The following CGNL1 variants were observed in gnomAD, a reference collection of about 807,000 sequenced individuals.
CGNL1 encodes the protein cingulin like 1.
In CGNL1, 132 loss-of-function variants were observed where a neutral mutation model predicts 141.2. That is an observed-to-expected ratio of 0.93 (90% CI 0.81 to 1.08). CGNL1 has a LOEUF of 1.08. CGNL1 is among the 50% of genes least tolerant of loss of function. The pLI is 0.00. For synonymous variants in CGNL1, 690 were observed against 622.1 expected (o/e 1.11, Z -1.63); for missense variants, 1,870 against 1,588.6 (o/e 1.18, Z -3.01).
chr15:57,411,507 A>T (rs2062787126), intron 1 of CGNL1, among the ~76,000 whole-genome samples: 1 of 149,552 alleles, frequency 6.7e-6, no homozygotes, highest in Non-Finnish European at 1.5e-5. Context: ...GCAATGGCGC[A>T]ATCTCAGCTC....
chr15:57,460,522 A>G (rs61998128), intron 7 of CGNL1, among the ~76,000 whole-genome samples: 1 of 152,180 alleles, frequency 6.6e-6, no homozygotes, highest in African/African-American at 2.4e-5. Flanking sequence ...GGTAATTTAT[A>G]AACAAAGGAG....
intron 8 of CGNL1, among the ~76,000 whole-genome samples, chr15:57,496,036 A>T (rs1014763620): frequency 6.6e-5 from 10 of 152,132 alleles, no homozygotes; most frequent in Non-Finnish European, 1.5e-4. Flanking sequence ...AGCCTCATGA[A>T]CTCCAAGATA....
intron 1 of CGNL1, among the ~76,000 whole-genome samples, chr15:57,400,615 G>A (rs1055578304): frequency 6.6e-6 from 1 of 152,170 alleles, no homozygotes; most frequent in Non-Finnish European, 1.5e-5. Context: ...GGGCATGGTG[G>A]CTCATGCCTG....
At chr15:57,446,586 T>C (rs1731602353) in intron 4 of CGNL1, among the ~76,000 whole-genome samples, 1 of 152,128 alleles carries the variant, frequency 6.6e-6, no homozygotes, top group Non-Finnish European at 1.5e-5. Context: ...TTTTCTGTTG[T>C]AATCAGTCAA....
intron 4 of CGNL1, among the ~76,000 whole-genome samples, chr15:57,450,877 A>T (rs544512315): frequency 1.3e-5 from 2 of 152,382 alleles, no homozygotes; most frequent in African/African-American, 2.4e-5. Context: ...GATTAAATTT[A>T]TGAGATACAT....
intron 8 of CGNL1, among the ~76,000 whole-genome samples, chr15:57,500,543 G>A (rs148034611): frequency 3.4e-4 from 52 of 152,272 alleles, no homozygotes; most frequent in African/African-American, 3.4e-4. Context: ...CAGCCATCTC[G>A]GGGAACTGAA....
intron 8 of CGNL1, among the ~76,000 whole-genome samples, chr15:57,505,712 C>T (rs146981980): frequency 6.4e-4 from 97 of 152,220 alleles, no homozygotes; most frequent in Non-Finnish European, 1.1e-3. Context: ...TGCTTAGCAT[C>T]GCTCCTGTGG....
chr15:57,428,790 C>T (rs1484153741), intron 1 of CGNL1, among the ~76,000 whole-genome samples: 2 of 152,172 alleles, frequency 1.3e-5, no homozygotes, highest in Non-Finnish European at 1.5e-5. Context: ...TTTTGGAGGC[C>T]GAGGTGGGTG....
intron 8 of CGNL1, among the ~76,000 whole-genome samples, chr15:57,464,450 C>A (rs1405186557): frequency 6.6e-6 from 1 of 152,082 alleles, no homozygotes; most frequent in Non-Finnish European, 1.5e-5. Context: ...GTGCTCTTAG[C>A]CTCTTGAGCT....
intron 14 of CGNL1, 40 bp from the exon 15 acceptor site, chr15:57,543,656 A>G: frequency 6.6e-7 from 1 of 1,522,730 alleles, no homozygotes; most frequent in Non-Finnish European, 9.1e-7. Context: ...ATACAGGAAC[A>G]GTCCTTCTAA....
At chr15:57,539,404 G>T (rs2032441578) in intron 14 of CGNL1, among the ~76,000 whole-genome samples, 1 of 152,028 alleles carries the variant, frequency 6.6e-6, no homozygotes, top group South Asian at 2.1e-4. Context: ...CTGCTCTCCT[G>T]TGACACTCCC....
chr15:57,421,767 C>T (rs1322243124), intron 1 of CGNL1, among the ~76,000 whole-genome samples: 4 of 151,948 alleles, frequency 2.6e-5, no homozygotes, highest in South Asian at 2.1e-4. Context: ...AGCTGTCAGG[C>T]GTCGTGTGCT....
chr15:57,461,382 G>A (rs1388878095), intron 7 of CGNL1, among the ~76,000 whole-genome samples: 1 of 152,118 alleles, frequency 6.6e-6, no homozygotes, highest in Non-Finnish European at 1.5e-5. Context: ...GAAATGAGAT[G>A]GAAGATACAG....
At chr15:57,479,643 G>A (rs1248865841) in intron 8 of CGNL1, among the ~76,000 whole-genome samples, 1 of 152,196 alleles carries the variant, frequency 6.6e-6, no homozygotes, top group African/African-American at 2.4e-5. Context: ...CAGCCTGGGT[G>A]ATGGAATGAG....
chr15:57,547,656 G>T lies in CGNL1; in HGVS notation c.*166G>T. The T allele has an allele frequency of 1.3e-6, 1 of 746,338 alleles. No homozygotes were observed. The highest frequency in any genetic ancestry group is 2.0e-5 in the South Asian group (1 of 50,528). The allele number at this position is 746,338 out of a possible 1,614,324, so 46.2% of individuals were successfully genotyped here. ...ACATTCCTCGCCAGGGTCTCTCAGT[G>T]GGTCTTCGACAGAGAGCTTTTGCAG... On this transcript the variant is annotated 3_prime_UTR_variant, in exon 19 of 19. Transcript: ENST00000281282.
intron 1 of CGNL1, among the ~76,000 whole-genome samples, chr15:57,380,645 A>G (rs528263905): frequency 6.6e-6 from 1 of 151,970 alleles, no homozygotes; most frequent in East Asian, 1.9e-4. Context: ...GAAATGTCCG[A>G]CTCCAGGAGC....
At chr15:57,442,753 G>C (rs113021374) in intron 4 of CGNL1, among the ~76,000 whole-genome samples, 21 of 152,160 alleles carry the variant, frequency 1.4e-4, no homozygotes, top group African/African-American at 5.1e-4. Flanking sequence ...CAAGCAGCTG[G>C]AACTACAGGC....
At chr15:57,514,905 G>T (rs151286943) in intron 8 of CGNL1, among the ~76,000 whole-genome samples, 30 of 152,176 alleles carry the variant, frequency 2.0e-4, no homozygotes, top group South Asian at 1.0e-3. Flanking sequence ...AAAAGCAGTT[G>T]GCTATACATG....
chr15:57,523,452 G>A (rs755345257), intron 10 of CGNL1, 37 bp from the exon 11 acceptor site: 3 of 1,610,970 alleles, frequency 1.9e-6, no homozygotes, highest in Non-Finnish European at 1.7e-6. Flanking sequence ...TACCTGGTTA[G>A]TAGGTGACAG....
Sources: allele counts gnomAD v4.1 joint callset (sites outside exome capture counted in the v4.1 genomes callset), GRCh38; gene constraint gnomAD v4.1.1; transcripts MANE v1.5; gene names NCBI Gene and HGNC (gene_info 2026-07-23, HGNC 2026-07-21).